Variants in SAYSD1 observed in about 807,000 individuals in gnomAD.
The protein encoded by SAYSD1 is SAYSVFN motif domain containing 1.
A neutral mutation model predicts 14.5 loss-of-function variants in SAYSD1; 15 were observed. That is an observed-to-expected ratio of 1.03 (90% CI 0.69 to 1.59). The LOEUF is 1.59. Ranked by LOEUF, SAYSD1 falls within the 40% of genes most tolerant of loss-of-function variation. The probability of loss-of-function intolerance (pLI) is 0.00; values close to 1 mark genes in which losing one functional copy is unlikely to be tolerated. For synonymous variants in SAYSD1, 105 were observed against 102.6 expected, an observed-to-expected ratio of 1.02 and a Z score of -0.14; for missense variants, 247 against 227.3, an observed-to-expected ratio of 1.09 and a Z score of -0.56.
chr6:39,110,064 A>G (rs781765202), intron 1 of SAYSD1, among the ~76,000 whole-genome samples: 6 of 152,142 alleles, frequency 3.9e-5, no homozygotes, highest in Non-Finnish European at 8.8e-5. Flanking sequence ...CTGGATATAT[A>G]TTTCAGTTTT....
At chr6:39,108,939 C>G (rs1191029331) in intron 1 of SAYSD1, among the ~76,000 whole-genome samples, 6 of 152,192 alleles carry the variant, frequency 3.9e-5, no homozygotes, top group Admixed American at 1.3e-4. Flanking sequence ...CCTGCTGCCC[C>G]AAGCTCAAAT....
At chr6:39,113,074 G>A (rs1415629713) in intron 1 of SAYSD1, 1 of 152,280 alleles carries the variant, frequency 6.6e-6, no homozygotes, top group Non-Finnish European at 1.5e-5. Flanking sequence ...AAAGACAAAT[G>A]TATAGATAGA....
At chr6:39,113,382 A>G (rs2113741367) in intron 1 of SAYSD1, 1 of 152,796 alleles carries the variant, frequency 6.5e-6, no homozygotes, top group East Asian at 1.9e-4. Flanking sequence ...ATTGTCTGAC[A>G]TGAATTGTAA....
rs1562030787 is a variant in SAYSD1, at chr6:39,115,137, G to GGCCGCACAGCAGTTGCC, written c.-65_-49dup. On this transcript the variant is annotated 5_prime_UTR_variant, in exon 1 of 2. Coordinates refer to ENST00000229903, the MANE Select transcript of SAYSD1 (RefSeq NM_018322.3). ...GCCGATAAGGGAGCGCGCGCCCGCA[G>GGCCGCACAGCAGTTGCC]GCCGCACAGCAGTTGCCTCCGCTCG... 1 of 1,551,810 alleles carries GGCCGCACAGCAGTTGCC rather than the reference G, an allele frequency of 6.4e-7. No homozygotes were observed. The highest frequency in any genetic ancestry group is 1.4e-5 in the African/African-American group (1 of 73,796).
intron 1 of SAYSD1, chr6:39,111,077 G>A (rs1430632753): frequency 6.6e-6 from 1 of 152,144 alleles, no homozygotes; most frequent in Non-Finnish European, 1.5e-5. Context: ...TAAACCAGAT[G>A]ATGAAGACTT....
At chr6:39,107,812 C>G (rs1344657945) in intron 1 of SAYSD1, among the ~76,000 whole-genome samples, 1 of 152,142 alleles carries the variant, frequency 6.6e-6, no homozygotes, top group Non-Finnish European at 1.5e-5. Context: ...AAGAAGAATG[C>G]ATCTGGGCAG....
intron 1 of SAYSD1, chr6:39,111,226 A>G (rs1769619458): frequency 6.6e-6 from 1 of 152,216 alleles, no homozygotes; most frequent in South Asian, 2.1e-4. Flanking sequence ...AAAGCCTACC[A>G]TGGAAATGAA....
Position 39,105,679 on chromosome 6 carries a change from G to T in SAYSD1, c.305C>A (p.Thr102Asn). The change falls in exon 2 of 2, where the codon ACC becomes AAC. Residue 102 changes from threonine to asparagine, a missense_variant. Transcript: ENST00000229903. ...CAACCAGAGAAGAACCTTCAAGAAGGTGATATTGGTCAGGAAAGACTGGTC... is the reference window on the plus strand; with the variant it reads ...CAACCAGAGAAGAACCTTCAAGAAGTTGATATTGGTCAGGAAAGACTGGTC... The part of the protein sequence containing the change: ...CWDQSFLTNI[T>N]FLKVLLWLVL... The T allele has an allele frequency of 6.2e-7, 1 of 1,614,236 alleles. No homozygotes were observed. The highest frequency in any genetic ancestry group is 1.1e-5 in the South Asian group (1 of 91,090).
intron 1 of SAYSD1, chr6:39,109,625 A>G: frequency 8.0e-7 from 1 of 1,255,248 alleles, no homozygotes; most frequent in Non-Finnish European, 1.0e-6. Context: ...CTTCATCTGT[A>G]GATGGACAGG....
chr6:39,105,295 A>C lies in SAYSD1; in HGVS notation c.*137T>G. On this transcript the variant is annotated 3_prime_UTR_variant, in exon 2 of 2. Coordinates refer to ENST00000229903, the MANE Select transcript of SAYSD1 (RefSeq NM_018322.3). ...ATCAAATGGCAGCAAAAGATCAGGG[A>C]AAGAAGGTAGAAAAACTATGCAGTC... The C allele has an allele frequency of 1.5e-6, 1 of 683,494 alleles. No individual in the cohort carries two copies. Among genetic ancestry groups the C allele is most frequent in the South Asian group, 1.9e-5 (1 of 53,650 alleles). The allele number at this position is 683,494 out of a possible 1,614,324, so 42.3% of individuals were successfully genotyped here.
At chr6:39,105,860 T>G in intron 1 of SAYSD1, 84 bp from the exon 2 acceptor site, 1 of 1,266,882 alleles carries the variant, frequency 7.9e-7, no homozygotes, top group Non-Finnish European at 1.1e-6. Flanking sequence ...GCAGTTTTCA[T>G]TGCTCTGAGA....
chr6:39,107,496 G>C (rs1475998657), intron 1 of SAYSD1, among the ~76,000 whole-genome samples: 1 of 152,174 alleles, frequency 6.6e-6, no homozygotes, highest in Non-Finnish European at 1.5e-5. Flanking sequence ...CCCATACTTA[G>C]GTTCTCAATT....
rs1769472989 is a variant in SAYSD1 at position 39,105,248 on chromosome 6, A to G, written c.*184T>C. 5.1e-6 allele frequency: 3 copies of G among 593,854 alleles called. No individual in the cohort carries two copies. The highest frequency in any genetic ancestry group is 8.9e-6 in the Non-Finnish European group (3 of 336,846). 36.8% of individuals were successfully genotyped at this position (593,854 alleles called of 1,614,324 possible). A position where few individuals can be genotyped will look rare whatever the true frequency, so the allele number is the denominator to read the frequency against. On this transcript the variant is annotated 3_prime_UTR_variant, in exon 2 of 2. Coordinates refer to ENST00000229903, the MANE Select transcript of SAYSD1 (RefSeq NM_018322.3). Reference sequence around the variant, plus strand: ...GACCCACAGTGAATGTATTTTAGAGAGTTTCACCAAAACTATCAAAGATCA... The same window carrying G: ...GACCCACAGTGAATGTATTTTAGAGGGTTTCACCAAAACTATCAAAGATCA...
intron 1 of SAYSD1, chr6:39,109,342 C>G (rs1469237061): frequency 1.9e-6 from 3 of 1,551,058 alleles, no homozygotes; most frequent in Non-Finnish European, 2.6e-6. Context: ...GTGGAAGAAG[C>G]TCGTCACAGA....
chr6:39,113,262 G>A (rs1251361339), intron 1 of SAYSD1: 2 of 152,272 alleles, frequency 1.3e-5, no homozygotes, highest in Admixed American at 6.5e-5. Context: ...TCTGTAGTAT[G>A]TAAACCTTAT....
rs1330366938 is a variant in SAYSD1, at chr6:39,105,203, A to G, written c.*229T>C. On this transcript the variant is annotated 3_prime_UTR_variant, in exon 2 of 2. Transcript: ENST00000229903. The stretch of plus-strand genomic sequence containing the variant: ...AACAGGTCTCCCTTCTTGAGTACAT[A>G]ATTTTTATAAATTGCGTCGGACCCA... The G allele has an allele frequency of 3.8e-6, 2 of 523,038 alleles. No homozygotes were observed. Among genetic ancestry groups the G allele is most frequent in the Non-Finnish European group, 6.8e-6 (2 of 293,494 alleles). The allele number at this position is 523,038 out of a possible 1,614,324, so 32.4% of individuals were successfully genotyped here.
At chr6:39,105,836 A>C (rs1010061171) in intron 1 of SAYSD1, 60 bp from the exon 2 acceptor site, 11 of 1,496,222 alleles carry the variant, frequency 7.4e-6, no homozygotes, top group Non-Finnish European at 1.0e-5. Flanking sequence ...GATGATCAAA[A>C]CTAATCTGAA....
Position 39,115,084 on chromosome 6 carries a change from T to A in SAYSD1, c.6A>T (p.Glu2Asp), listed in dbSNP as rs1277696202. 6.2e-7 allele frequency: 1 copy of A among 1,602,842 alleles called. No individual in the cohort carries two copies. Among genetic ancestry groups the A allele is most frequent in the Non-Finnish European group, 8.5e-7 (1 of 1,177,394 alleles). ...CCGCCCGAAACTCAGCTAACCGCTG[T>A]TCCATGGCGCGCGCCTCGCGTCCGT... MEQRLAEFRAAR... is the reference protein window; with the variant it reads MDQRLAEFRAAR... Residue 2 changes from glutamate (E) to aspartate (D), a missense_variant, in exon 1 of 2, where the codon GAA becomes GAT. Transcript: ENST00000229903.
chr6:39,107,237 A>T (rs942787195), intron 1 of SAYSD1, among the ~76,000 whole-genome samples: 1 of 152,120 alleles, frequency 6.6e-6, no homozygotes, highest in Non-Finnish European at 1.5e-5. Context: ...AATTCCGTCC[A>T]CTTCCTCTTT....
Sources: gnomAD v4.1 joint callset for allele counts (sites outside exome capture counted in the v4.1 genomes callset) on GRCh38, gnomAD v4.1.1 for gene constraint, MANE v1.5 for transcripts, NCBI Gene and HGNC (gene_info 2026-07-23, HGNC 2026-07-21) for gene names.